Variants in FRS3 observed in about 807,000 individuals in gnomAD.
FRS3 encodes the protein FGFR substrate 3.
FRS3 carries 17 observed loss-of-function variants against 41.9 expected under a neutral mutation model. The observed-to-expected ratio is 0.41, with a 90% CI of 0.28 to 0.61. The LOEUF is 0.61. Among genes scored for constraint, FRS3 ranks in the 20% least tolerant of loss-of-function variants. FRS3 has a pLI of 0.36. For missense variants in FRS3, 619 were observed against 672.1 expected (o/e 0.92, Z 0.87); for synonymous variants, 287 against 274.5 (o/e 1.05, Z -0.45).
At chr6:41,774,988 C>A (rs888504317) in intron 4 of FRS3, among the ~76,000 whole-genome samples, 2 of 152,108 alleles carry the variant, frequency 1.3e-5, no homozygotes, top group African/African-American at 2.4e-5. Flanking sequence ...AGCGCCCCTG[C>A]CTCTGCCTCA....
In FRS3 at chr6:41,771,007, T is replaced by G; in HGVS notation, c.1091A>C (p.Glu364Ala). The change falls in exon 7 of 7, where the codon GAG (glutamate) becomes GCG (alanine). Residue 364 changes from glutamate (E) to alanine (A), a missense_variant. Around this residue, in one of 3 missense-constraint regions of FRS3, gnomAD observed 487 missense variants for 478.3 expected, o/e 1.02. Coordinates refer to ENST00000373018, the MANE Select transcript of FRS3 (RefSeq NM_006653.5). ...TPSSNGFPDG[E>A]EDETPLQKPT... ...CTTCTGCAGTGGGGTCTCGTCCTCCTCACCATCAGGGAAGCCATTGGAAGA... is the reference window on the plus strand; with the variant it reads ...CTTCTGCAGTGGGGTCTCGTCCTCCGCACCATCAGGGAAGCCATTGGAAGA... The G allele has an allele frequency of 3.7e-6, 6 of 1,613,078 alleles. No individual in the cohort carries two copies. The highest frequency in any genetic ancestry group is 5.1e-6 in the Non-Finnish European group (6 of 1,179,852).
Position 41,770,840 on chromosome 6 carries a change from C to G in FRS3, c.1258G>C (p.Val420Leu), listed in dbSNP as rs749028496. 1.1e-5 allele frequency: 17 copies of G among 1,610,102 alleles called. No homozygotes were observed. In the East Asian group the frequency reaches 1.6e-4, roughly 15 times the overall value. ...EPPRQLNYIQ[V>L]ELKGWGGDRP... ...TCTCCACCCCAGCCCTTTAGCTCCACCTGGATGTAGTTAAGCTGCCTTGGG... is the reference window on the plus strand; with the variant it reads ...TCTCCACCCCAGCCCTTTAGCTCCAGCTGGATGTAGTTAAGCTGCCTTGGG... The change falls in exon 7 of 7, where the codon GTG becomes CTG. Residue 420 changes from valine (V) to leucine (L), a missense_variant. Physicochemically the swap from Val to Leu is conservative, Grantham distance 32 (BLOSUM62 1). This residue lies in a region of FRS3 where 487 missense variants were observed against 478.3 expected (regional missense o/e 1.02). Coordinates refer to ENST00000373018, the MANE Select transcript of FRS3 (RefSeq NM_006653.5).
chr6:41,771,922 C>T lies in FRS3; in HGVS notation c.458G>A (p.Gly153Glu), dbSNP rs761743298. 1 of 1,560,238 alleles carries T rather than the reference C, an allele frequency of 6.4e-7. No individual in the cohort carries two copies. The highest frequency in any genetic ancestry group is 1.4e-5 in the African/African-American group (1 of 73,636). The change falls in exon 6 of 7, where the codon GGA (glycine) becomes GAA (glutamate). Residue 153 changes from glycine to glutamate, a missense_variant. Gly to Glu is a moderately conservative substitution (Grantham distance 98). This residue lies in a region of FRS3 where 487 missense variants were observed against 478.3 expected (regional missense o/e 1.02). Transcript: ENST00000373018. Reference protein sequence around the residue: ...TVSSFSNGCPGEGPRFSAPRR... With the variant: ...TVSSFSNGCPEEGPRFSAPRR... Reference sequence around the variant, plus strand: ...GGGAGCTGAGAATCGTGGGCCCTCTCCAGGGCAGCCATTGGAAAAGCTGGA... The same window carrying T: ...GGGAGCTGAGAATCGTGGGCCCTCTTCAGGGCAGCCATTGGAAAAGCTGGA...
rs780213654 is a variant in FRS3 at position 41,771,726 on chromosome 6, G to A, written c.564+90C>T. On this transcript the variant is annotated intron_variant, in intron 6 of 6. Transcript: ENST00000373018. ...CCGTTACAATGTTCTTCCCCTTCCC[G>A]TGATCCTTACTGGGAGGAGGTGGCC... 3.5e-5 allele frequency: 49 copies of A among 1,389,754 alleles called. No homozygotes were observed. In the African/African-American group the frequency reaches 3.6e-4, roughly 10 times the overall value. 86.1% of individuals were successfully genotyped at this position (1,389,754 alleles called of 1,614,324 possible). A position where few individuals can be genotyped will look rare whatever the true frequency, so the allele number is the denominator to read the frequency against.
At chr6:41,776,564 T>TA (rs1482023855) in intron 3 of FRS3, 1 of 186,360 alleles carries the variant, frequency 5.4e-6, no homozygotes. Flanking sequence ...GCCTGGCCAC[T>TA]AAGCACTATT....
At chr6:41,776,863 T>C in intron 3 of FRS3, 59 bp downstream of exon 3, 2 of 1,359,872 alleles carry the variant, frequency 1.5e-6, no homozygotes, top group Non-Finnish European at 2.1e-6. Flanking sequence ...CTCCATTAAA[T>C]TGTGTCTGAG....
rs1235495154 is a variant in FRS3, at chr6:41,770,581, T to C, written c.*38A>G. 2 of 1,602,878 alleles carry C rather than the reference T, an allele frequency of 1.2e-6. No individual in the cohort carries two copies. Among genetic ancestry groups the C allele is most frequent in the Non-Finnish European group, 1.7e-6 (2 of 1,169,964 alleles). On this transcript the variant is annotated 3_prime_UTR_variant, in exon 7 of 7. Transcript: ENST00000373018. ...ACAGGAGTGTGAGGCAGAGGCTGGA[T>C]CATGGTGGGGCAGAGGGTGGTGAGG...
intron 6 of FRS3, 106 bp downstream of exon 6, chr6:41,771,710 T>C (rs1772298618): frequency 6.9e-6 from 9 of 1,306,856 alleles, no homozygotes; most frequent in Non-Finnish European, 8.4e-6. Flanking sequence ...ACCGTTACAA[T>C]GTTCTTCCCC....
Position 41,770,970 on chromosome 6 carries a change from G to C in FRS3, c.1128C>G (p.Thr376=). The C allele has an allele frequency of 6.2e-7, 1 of 1,613,004 alleles. No individual in the cohort carries two copies. Residue 376 remains threonine (T), a synonymous_variant, in exon 7 of 7, where the codon ACC becomes ACG. Coordinates refer to ENST00000373018, the MANE Select transcript of FRS3 (RefSeq NM_006653.5). ...DETPLQKPTS[T]RAAIRSHGSF... ...TGCCGTGGCTGCGGATGGCGGCCCG[G>C]GTGCTGGTGGGCTTCTGCAGTGGGG...
Position 41,770,666 on chromosome 6 carries a change from C to T in FRS3, c.1432G>A (p.Gly478Ser), listed in dbSNP as rs1412802337. The change falls in exon 7 of 7, where the codon GGC (glycine) becomes AGC (serine). Residue 478 changes from glycine (G) to serine (S), a missense_variant. Transcript: ENST00000373018. Reference protein sequence around the residue: ...NLQRALPRDDGTARKTRHNST... With the variant: ...NLQRALPRDDSTARKTRHNST... ...TTGTGCCGGGTTTTCCTGGCGGTGC[C>T]ATCGTCTCGGGGCAGAGCTCTCTGC... 1.2e-6 allele frequency: 2 copies of T among 1,614,030 alleles called. No individual in the cohort carries two copies. The highest frequency in any genetic ancestry group is 1.7e-6 in the Non-Finnish European group (2 of 1,180,050).
intron 1 of FRS3, 42 bp downstream of exon 1, chr6:41,779,774 G>C (rs1351238314): frequency 2.2e-5 from 3 of 138,862 alleles, no homozygotes; most frequent in African/African-American, 8.0e-5. Flanking sequence ...GCGCGGCCTC[G>C]GTGAAGCCGC....
chr6:41,775,728 T>A, intron 3 of FRS3, 123 bp from the exon 4 acceptor site: 1 of 725,412 alleles, frequency 1.4e-6, no homozygotes, highest in Non-Finnish European at 2.4e-6. Context: ...CACATCCGAC[T>A]ATCACAGACT....
At chr6:41,774,008 G>A (rs1278620483) in intron 4 of FRS3, among the ~76,000 whole-genome samples, 1 of 152,056 alleles carries the variant, frequency 6.6e-6, no homozygotes, top group Non-Finnish European at 1.5e-5. Context: ...GGAGTGCAGT[G>A]GTGCGATCTC....
At position 41,775,425 on chromosome 6, in the gene FRS3, C is replaced by G; in HGVS notation, c.247G>C (p.Gly83Arg). 1 of 1,610,768 alleles carries G rather than the reference C, an allele frequency of 6.2e-7. No individual in the cohort carries two copies. Among genetic ancestry groups the G allele is most frequent in the Non-Finnish European group, 8.5e-7 (1 of 1,179,256 alleles). ...AGCAGGGCCTGGTACTCACCCTGGC[C>G]TGTCTGACATCGGCGGCCACTCTCA... ...SFESGRRCQT[G>R]QGIFAFKCSR... is the part of the protein sequence containing the mutation. Residue 83 changes from glycine (G) to arginine (R), a missense_variant, in exon 4 of 7, where the codon GGC becomes CGC. Gly to Arg is a moderately radical substitution (Grantham distance 125, BLOSUM62 -2). Transcript: ENST00000373018.
chr6:41,771,107 C>A lies in FRS3; in HGVS notation c.991G>T (p.Val331Leu), dbSNP rs140685208. 9.9e-5 allele frequency: 157 copies of A among 1,586,980 alleles called. No homozygotes were observed. Among genetic ancestry groups the A allele is most frequent in the Non-Finnish European group, 1.2e-4 (143 of 1,164,616 alleles). ...HYENLPPLPP[V>L]WESQAQQLGG... ...AGCTGCTGGGCTTGGCTTTCCCACA[C>A]AGGGGGCAGTGGGGGCAGGTTCTCA... The change falls in exon 7 of 7, where the codon GTG becomes TTG. Residue 331 changes from valine to leucine, a missense_variant. Coordinates refer to ENST00000373018, the MANE Select transcript of FRS3 (RefSeq NM_006653.5).
At chr6:41,776,650 A>G in intron 3 of FRS3, 1 of 405,058 alleles carries the variant, frequency 2.5e-6, no homozygotes, top group Non-Finnish European at 4.4e-6. Context: ...GGGGATATAT[A>G]AAGTTATAAA....
intron 4 of FRS3, among the ~76,000 whole-genome samples, chr6:41,773,973 G>A (rs183407124): frequency 1.7e-3 from 257 of 152,002 alleles, no homozygotes; most frequent in African/African-American, 6.0e-3. Context: ...TTTCGGAGAC[G>A]GAGTCTCACC....
At chr6:41,775,997 C>T (rs911750869) in intron 3 of FRS3, among the ~76,000 whole-genome samples, 3 of 152,176 alleles carry the variant, frequency 2.0e-5, no homozygotes, top group Admixed American at 1.3e-4. Flanking sequence ...GACACCCTGA[C>T]CTAGGAAAGT....
At chr6:41,775,975 T>A (rs1772402278) in intron 3 of FRS3, among the ~76,000 whole-genome samples, 1 of 152,136 alleles carries the variant, frequency 6.6e-6, no homozygotes, top group Non-Finnish European at 1.5e-5. Context: ...AAATTCAAAA[T>A]CTTGAGACTG....
Sources: allele counts gnomAD v4.1 joint callset (sites outside exome capture counted in the v4.1 genomes callset), GRCh38; gene constraint gnomAD v4.1.1; regional missense constraint gnomAD v4.1.1; transcripts MANE v1.5; gene names NCBI Gene and HGNC (gene_info 2026-07-23, HGNC 2026-07-21).